The following ZBTB40 variants were observed in gnomAD, a reference collection of about 807,000 sequenced individuals.
ZBTB40 encodes zinc finger and BTB domain-containing protein 40.
Under a neutral mutation model 117.5 loss-of-function variants are expected in ZBTB40, and 60 were observed. That is an observed-to-expected ratio of 0.51 (90% CI 0.41 to 0.63). ZBTB40 has a LOEUF of 0.63. ZBTB40 is among the 30% of genes least tolerant of loss of function. The probability of loss-of-function intolerance (pLI) is 0.00; values close to 1 mark genes in which losing one functional copy is unlikely to be tolerated. For missense variants in ZBTB40, 1,287 were observed against 1,498.5 expected (o/e 0.86, Z 2.33); for synonymous variants, 525 against 577.1 (o/e 0.91, Z 1.29).
intron 3 of ZBTB40, among the ~76,000 whole-genome samples, chr1:22,493,336 C>T (rs967666463): frequency 6.6e-6 from 1 of 152,088 alleles, no homozygotes; most frequent in Non-Finnish European, 1.5e-5. Context: ...AGTCCATAAC[C>T]TTTGAACTTC....
chr1:22,520,218 G>C lies in ZBTB40; in HGVS notation c.2991G>C (p.Val997=), dbSNP rs1313529611. ...FSAPSMLERH[V]VTHVGGKPFS... Reference sequence around the variant, plus strand: ...CCCCGTCCATGCTGGAGCGGCACGTGGTGACCCACGTTGGAGGGAAGCCCT... The same window carrying C: ...CCCCGTCCATGCTGGAGCGGCACGTCGTGACCCACGTTGGAGGGAAGCCCT... The change falls in exon 14 of 18, where the codon GTG becomes GTC. Residue 997 remains valine (V), a synonymous_variant. Transcript: ENST00000375647. 1.9e-6 allele frequency: 3 copies of C among 1,613,926 alleles called. No homozygotes were observed. Among genetic ancestry groups the C allele is most frequent in the Admixed American group, 3.3e-5 (2 of 59,996 alleles).
In ZBTB40 at chr1:22,529,668, C is replaced by T. The variant is rs569004192; in HGVS notation, c.*3272C>T. ...AGAGACATGAAGAGACAGCCTCTCT[C>T]TTCTGTCTCAGAAGCTCTGTGTTTG... On this transcript the variant is annotated 3_prime_UTR_variant, in exon 18 of 18. Transcript: ENST00000375647. 1.3e-5 allele frequency: 2 copies of T among 152,346 alleles called. No homozygotes were observed. Among genetic ancestry groups the T allele is most frequent in the South Asian group, 2.1e-4 (1 of 4,816 alleles). 9.4% of individuals were successfully genotyped at this position (152,346 alleles called of 1,614,324 possible).
In ZBTB40 at chr1:22,508,623, G is replaced by A. The variant is rs1013884876; in HGVS notation, c.1591G>A (p.Ala531Thr). Residue 531 changes from alanine to threonine, a missense_variant, in exon 8 of 18, where the codon GCC becomes ACC. This residue lies in a region of ZBTB40 where 870 missense variants were observed against 934.4 expected (regional missense o/e 0.93). Transcript: ENST00000375647. ...VLEKQTLSAT[A>T]IWQLLLVVQE... is the part of the protein sequence containing the mutation. Reference sequence around the variant, plus strand: ...AGAAAAGCAGACTCTCTCTGCCACAGCCATTTGGCAACTGCTGCTGGTGGT... The same window carrying A: ...AGAAAAGCAGACTCTCTCTGCCACAACCATTTGGCAACTGCTGCTGGTGGT... The A allele has an allele frequency of 6.2e-7, 1 of 1,614,210 alleles. No homozygotes were observed. The highest frequency in any genetic ancestry group is 8.5e-7 in the Non-Finnish European group (1 of 1,180,036).
chr1:22,440,365 G>A (rs1640716827), intron 1 of ZBTB40, among the ~76,000 whole-genome samples: 1 of 152,134 alleles, frequency 6.6e-6, no homozygotes, highest in African/African-American at 2.4e-5. Context: ...TAAGCTGGAT[G>A]AGGTGGCATG....
chr1:22,511,247 G>A lies in ZBTB40; in HGVS notation c.1902G>A (p.Met634Ile), dbSNP rs765471050. The change falls in exon 10 of 18, where the codon ATG becomes ATA. Residue 634 changes from methionine (M) to isoleucine (I), a missense_variant. Physicochemically the swap from Met to Ile is conservative, Grantham distance 10. This residue lies in a region of ZBTB40 where 870 missense variants were observed against 934.4 expected (regional missense o/e 0.93). Coordinates refer to ENST00000375647, the MANE Select transcript of ZBTB40 (RefSeq NM_014870.4). ...ASLRAVLSRAMEKSVPAIEIC... is the reference protein window; with the variant it reads ...ASLRAVLSRAIEKSVPAIEIC... ...TGAGAGCAGTGCTGAGCAGAGCCAT[G>A]GAAAAATCAGTCCCGGCCATTGAAA... is the stretch of plus-strand genomic sequence containing the variant. 2 of 1,614,024 alleles carry A rather than the reference G, an allele frequency of 1.2e-6. No homozygotes were observed. The highest frequency in any genetic ancestry group is 1.1e-5 in the South Asian group (1 of 91,066).
chr1:22,480,607 C>T (rs528765647), intron 1 of ZBTB40, among the ~76,000 whole-genome samples: 101 of 152,202 alleles, frequency 6.6e-4, no homozygotes, highest in African/African-American at 2.4e-3. Flanking sequence ...GCCTCGGCCT[C>T]CCAAAGTGCT....
At chr1:22,462,872 A>C (rs923927581) in intron 1 of ZBTB40, among the ~76,000 whole-genome samples, 1 of 152,246 alleles carries the variant, frequency 6.6e-6, no homozygotes, top group Non-Finnish European at 1.5e-5. Context: ...TAAAAAAATT[A>C]TGTGACATTT....
chr1:22,446,250 C>CAG (rs1553129041), intron 1 of ZBTB40, among the ~76,000 whole-genome samples: 7 of 149,840 alleles, frequency 4.7e-5, no homozygotes, highest in Non-Finnish European at 5.9e-5. Flanking sequence ...GAAAAAAAGA[C>CAG]AGAAAAACAA....
At chr1:22,450,350 G>C (rs1298653562), upstream of ZBTB40, among the ~76,000 whole-genome samples, 2 of 152,236 alleles carry the variant, frequency 1.3e-5, no homozygotes, top group Admixed American at 1.3e-4. Context: ...AAAAGAGAAT[G>C]TGAGGCTGGT....
intron 13 of ZBTB40, 104 bp downstream of exon 13, chr1:22,517,568 A>G: frequency 3.6e-6 from 5 of 1,387,508 alleles, no homozygotes; most frequent in Non-Finnish European, 4.9e-6. Flanking sequence ...AGCTCCATTC[A>G]GTGCATTCCC....
intron 1 of ZBTB40, among the ~76,000 whole-genome samples, chr1:22,466,174 A>G (rs1641250618): frequency 6.6e-6 from 1 of 152,232 alleles, no homozygotes; most frequent in African/African-American, 2.4e-5. Context: ...TTTACTTAGC[A>G]TAATGTTTTC....
intron 1 of ZBTB40, among the ~76,000 whole-genome samples, chr1:22,438,670 G>A (rs1397494832): frequency 2.6e-5 from 4 of 152,064 alleles, no homozygotes; most frequent in Non-Finnish European, 5.9e-5. Context: ...CCACAACCTT[G>A]CCAACACTTA....
At chr1:22,431,965 T>C (rs1640597056) in intron 1 of ZBTB40, among the ~76,000 whole-genome samples, 1 of 88,130 alleles carries the variant, frequency 1.1e-5, no homozygotes, top group African/African-American at 4.6e-5. Context: ...CAGTTTTCAA[T>C]TTCTTACTTT....
Position 22,490,160 on chromosome 1 carries a change from T to A in ZBTB40, c.212T>A (p.Phe71Tyr). The change falls in exon 2 of 18, where the codon TTT becomes TAT. Residue 71 changes from phenylalanine to tyrosine, a missense_variant. Phe to Tyr is a conservative substitution (Grantham distance 22). Coordinates refer to ENST00000375647, the MANE Select transcript of ZBTB40 (RefSeq NM_014870.4). ...IDASVVSPEE[F>Y]ALLLEMMYTG... ...GCATCTGTGGTGAGCCCCGAGGAGT[T>A]TGCGCTCTTGTTGGAAATGATGTAC... 1 of 1,614,094 alleles carries A rather than the reference T, an allele frequency of 6.2e-7. No individual in the cohort carries two copies. Among genetic ancestry groups the A allele is most frequent in the Non-Finnish European group, 8.5e-7 (1 of 1,180,014 alleles).
intron 1 of ZBTB40, among the ~76,000 whole-genome samples, chr1:22,429,096 T>G (rs1640542608): frequency 6.6e-6 from 1 of 152,128 alleles, no homozygotes; most frequent in East Asian, 1.9e-4. Context: ...TTTAAGAAAT[T>G]CTTGGGCCGG....
At chr1:22,488,632 T>G (rs1262486780) in intron 1 of ZBTB40, among the ~76,000 whole-genome samples, 1 of 152,148 alleles carries the variant, frequency 6.6e-6, no homozygotes, top group Non-Finnish European at 1.5e-5. Flanking sequence ...AAGATGAGGT[T>G]AGGAGCCGAT....
intron 1 of ZBTB40, among the ~76,000 whole-genome samples, chr1:22,486,823 C>T (rs929528017): frequency 6.6e-6 from 1 of 152,138 alleles, no homozygotes; most frequent in African/African-American, 2.4e-5. Flanking sequence ...GCAGCCTCTG[C>T]CTCCTAGGTT....
upstream of ZBTB40, among the ~76,000 whole-genome samples, chr1:22,451,655 A>G (rs1315484244): frequency 1.3e-5 from 2 of 152,048 alleles, no homozygotes; most frequent in Non-Finnish European, 2.9e-5. Flanking sequence ...TCAAAAAAAA[A>G]AAAAAGAAAA....
chr1:22,430,273 A>G (rs34465656), intron 1 of ZBTB40, among the ~76,000 whole-genome samples: 10,443 of 152,164 alleles, frequency 0.069, 516 homozygotes, highest in Non-Finnish European at 0.1. Context: ...ATCTTGTCTC[A>G]TACTGTCCTT....
Sources: gnomAD v4.1 joint callset for allele counts (sites outside exome capture counted in the v4.1 genomes callset) on GRCh38, gnomAD v4.1.1 for gene constraint, gnomAD v4.1.1 regional missense constraint, MANE v1.5 for transcripts, NCBI Gene and HGNC (gene_info 2026-07-23, HGNC 2026-07-21) for gene names.